Variants in SMYD3 observed in about 807,000 individuals in gnomAD.
SMYD3 encodes the protein histone-lysine N-methyltransferase SMYD3.
SMYD3 carries 36 observed loss-of-function variants against 57.7 expected under a neutral mutation model. The ratio of observed to expected loss-of-function variants is 0.62; its 90% CI spans 0.48 to 0.82. The LOEUF (loss-of-function observed/expected upper bound fraction) is 0.82. SMYD3 is among the 40% of genes least tolerant of loss of function. The pLI, the probability that SMYD3 is intolerant of heterozygous loss-of-function variation, is 0.00. For missense variants in SMYD3, 515 were observed against 538.8 expected (o/e 0.96, Z 0.44); for synonymous variants, 211 against 195.0 (o/e 1.08, Z -0.68).
rs535220034 is a variant in SMYD3 at position 246,455,346 on chromosome 1, T to C, written c.164+51708A>G. Among the ~76,000 whole-genome samples, 7 of 152,292 alleles carry C rather than the reference T, an allele frequency of 4.6e-5. 1 individual carries two copies. The highest frequency in any genetic ancestry group is 2.6e-4 in the Admixed American group (4 of 15,296). Reference sequence around the variant, plus strand: ...ATATGAATTGGAAATAAAAATGAAATATCTCTAAAACCGTCATGCTATACT... The same window carrying C: ...ATATGAATTGGAAATAAAAATGAAACATCTCTAAAACCGTCATGCTATACT... On this transcript the variant is annotated intron_variant, in intron 1 of 11. Transcript: ENST00000490107.
At chr1:245,863,515 T>C (rs1181265107) in intron 9 of SMYD3, among the ~76,000 whole-genome samples, 1 of 152,220 alleles carries the variant, frequency 6.6e-6, no homozygotes, top group Non-Finnish European at 1.5e-5. Context: ...ACCTTTTACA[T>C]ATAAAGAGAC....
In SMYD3 at chr1:245,915,522, C is replaced by G; in HGVS notation, c.813+8G>C. 1 of 1,595,624 alleles carries G rather than the reference C, an allele frequency of 6.3e-7. No homozygotes were observed. Among genetic ancestry groups the G allele is most frequent in the Non-Finnish European group, 8.6e-7 (1 of 1,163,536 alleles). ...GGAGGTGTTTCAATCTGGTTCCATA[C>G]TACATACCTTGTCCTGGGTTTGGCA... is the stretch of plus-strand genomic sequence containing the variant. On this transcript the variant is annotated splice_region_variant and intron_variant, in intron 8 of 11. Coordinates refer to ENST00000490107, the MANE Select transcript of SMYD3 (RefSeq NM_001167740.2).
chr1:246,499,387 C>T lies in SMYD3; in HGVS notation c.164+7667G>A, dbSNP rs575994462. 3.6e-4 allele frequency among the ~76,000 whole-genome samples: 47 copies of T among 130,424 alleles called. 1 individual carries two copies. In the South Asian group the frequency reaches 0.012, roughly 32 times the overall value. The allele number at this position is 130,424 out of a possible 152,430, so 85.6% of individuals were successfully genotyped here. On this transcript the variant is annotated intron_variant, in intron 1 of 11. Coordinates refer to ENST00000490107, the MANE Select transcript of SMYD3 (RefSeq NM_001167740.2). ...TATATGTAACAATTTTTTAAGTAAC[C>T]AAACCATCAAATATACACACACACA...
chr1:245,963,759 T>C (rs2058069919), intron 5 of SMYD3, among the ~76,000 whole-genome samples: 1 of 152,144 alleles, frequency 6.6e-6, no homozygotes, highest in African/African-American at 2.4e-5. Context: ...TGCTGGGGCT[T>C]TGGCAGAGCC....
chr1:246,493,835 A>G (rs553517864), intron 1 of SMYD3, among the ~76,000 whole-genome samples: 1 of 124,476 alleles, frequency 8.0e-6, no homozygotes, highest in Admixed American at 9.0e-5. Flanking sequence ...ACCACAGAGC[A>G]GTACTGTCAC....
chr1:246,053,235 C>T (rs7541264), intron 5 of SMYD3, among the ~76,000 whole-genome samples: 2,299 of 152,078 alleles, frequency 0.015, 32 homozygotes, highest in African/African-American at 0.034. Flanking sequence ...ACCATGTTCA[C>T]GATTCAATAT....
rs980111877 is a variant in SMYD3 at position 246,244,945 on chromosome 1, T to C, written c.531+82256A>G. Among the ~76,000 whole-genome samples the C allele has an allele frequency of 3.9e-5, 6 of 152,298 alleles. 1 individual carries two copies. The South Asian group carries it at 1.2e-3, about 32-fold the overall frequency. On this transcript the variant is annotated intron_variant, in intron 5 of 11. Transcript: ENST00000490107. The stretch of plus-strand genomic sequence containing the variant: ...GATACCCCAGTGATCTTCAAAACGC[T>C]GAAGTTTCAATTTTCTTTAATTCTG...
At chr1:246,373,601 A>G (rs563926131) in intron 1 of SMYD3, among the ~76,000 whole-genome samples, 2 of 152,286 alleles carry the variant, frequency 1.3e-5, no homozygotes, top group South Asian at 2.1e-4. Context: ...AATATCTTCC[A>G]CAATATAAAA....
At chr1:245,813,217 G>A (rs965674102) in intron 10 of SMYD3, among the ~76,000 whole-genome samples, 2 of 152,018 alleles carry the variant, frequency 1.3e-5, no homozygotes, top group African/African-American at 4.8e-5. Context: ...GTTTCACTAT[G>A]TTGGCCAGCC....
intron 5 of SMYD3, among the ~76,000 whole-genome samples, chr1:246,196,845 A>G (rs2062835758): frequency 6.6e-6 from 1 of 152,142 alleles, no homozygotes; most frequent in South Asian, 2.1e-4. Context: ...ACTATTCTCC[A>G]ATTTCTAAAT....
chr1:245,809,034 C>T (rs558407538), intron 10 of SMYD3, among the ~76,000 whole-genome samples: 41 of 152,292 alleles, frequency 2.7e-4, no homozygotes, highest in Admixed American at 5.9e-4. Flanking sequence ...GGATTACAGG[C>T]GTGAGCCACT....
chr1:246,497,800 A>G (rs12240091), intron 1 of SMYD3, among the ~76,000 whole-genome samples: 6,943 of 152,106 alleles, frequency 0.046, 507 homozygotes, highest in African/African-American at 0.16. Context: ...CAGGAATTCA[A>G]GGCTGCAGTG....
chr1:245,938,464 A>C (rs1171921305), intron 5 of SMYD3, among the ~76,000 whole-genome samples: 5 of 152,234 alleles, frequency 3.3e-5, no homozygotes, highest in Non-Finnish European at 7.3e-5. Flanking sequence ...TTAATTATGC[A>C]GTCAAGAGGC....
At chr1:246,465,548 TC>T (rs1249441290) in intron 1 of SMYD3, among the ~76,000 whole-genome samples, 3 of 152,048 alleles carry the variant, frequency 2.0e-5, no homozygotes, top group African/African-American at 7.3e-5. Context: ...AGAACACCTA[TC>T]GGGGCGGGGC....
chr1:246,250,676 CAAACA>C (rs1343837151), intron 5 of SMYD3, among the ~76,000 whole-genome samples: 1 of 152,068 alleles, frequency 6.6e-6, no homozygotes, highest in Admixed American at 6.6e-5. Flanking sequence ...AGAACTCTAT[CAAACA>C]AAACAAGAAA....
At chr1:245,757,208 G>A (rs532224039) in intron 11 of SMYD3, among the ~76,000 whole-genome samples, 4 of 151,912 alleles carry the variant, frequency 2.6e-5, no homozygotes, top group Non-Finnish European at 4.4e-5. Flanking sequence ...CACTATTCTA[G>A]GTACCTCATA....
chr1:246,218,273 T>C (rs2063196826), intron 5 of SMYD3, among the ~76,000 whole-genome samples: 1 of 151,158 alleles, frequency 6.6e-6, no homozygotes, highest in African/African-American at 2.4e-5. Context: ...AAGATAGTGA[T>C]TATTTCGTGG....
intron 10 of SMYD3, among the ~76,000 whole-genome samples, chr1:245,846,580 T>C (rs2050677286): frequency 1.3e-5 from 2 of 152,202 alleles, no homozygotes; most frequent in African/African-American, 2.4e-5. Flanking sequence ...AGTGTGCAAG[T>C]TACTAAGTCT....
At chr1:246,506,978 G>GCCCCC in intron 1 of SMYD3, 76 bp downstream of exon 1, 1 of 1,174,512 alleles carries the variant, frequency 8.5e-7, no homozygotes. Context: ...CGCGGCTGCC[G>GCCCCC]GCCGCCCGAC....
Sources: allele counts gnomAD v4.1 joint callset (sites outside exome capture counted in the v4.1 genomes callset), GRCh38; gene constraint gnomAD v4.1.1; transcripts MANE v1.5; gene names NCBI Gene and HGNC (gene_info 2026-07-23, HGNC 2026-07-21).